The following CCDC171 variants were observed in gnomAD, a reference collection of about 807,000 sequenced individuals.
The protein encoded by CCDC171 is coiled-coil domain containing 171, also known as coiled-coil domain-containing protein 171.
In CCDC171, 177 loss-of-function variants were observed where a neutral mutation model predicts 168.2. The observed-to-expected ratio is 1.05, with a 90% CI of 0.93 to 1.19. The LOEUF is 1.19. CCDC171 is among the 50% of genes most tolerant of loss of function. CCDC171 has a pLI of 0.00. For missense variants in CCDC171, 1,991 were observed against 1,539.0 expected (o/e 1.29, Z -4.91); for synonymous variants, 687 against 540.8 (o/e 1.27, Z -3.75).
At chr9:15,570,568 G>T (rs2040145073) in intron 2 of CCDC171, among the ~76,000 whole-genome samples, 9 of 152,152 alleles carry the variant, frequency 5.9e-5, no homozygotes. Context: ...ATGACTGGAA[G>T]CTCAGTGTGT....
chr9:16,058,049 A>G (rs1002568535), intron 1 of CCDC171, among the ~76,000 whole-genome samples: 21 of 149,142 alleles, frequency 1.4e-4, no homozygotes, highest in Non-Finnish European at 2.7e-4. Flanking sequence ...TTTGAAAAAA[A>G]AAAAATAATA....
intron 4 of CCDC171, among the ~76,000 whole-genome samples, chr9:15,586,144 A>T (rs895513545): frequency 6.6e-6 from 1 of 152,236 alleles, no homozygotes; most frequent in African/African-American, 2.4e-5. Flanking sequence ...TTGCTTTGAA[A>T]TGCATAAAAT....
chr9:15,649,383 C>A (rs1033393579), intron 7 of CCDC171, among the ~76,000 whole-genome samples: 1 of 152,050 alleles, frequency 6.6e-6, no homozygotes, highest in African/African-American at 2.4e-5. Flanking sequence ...GCAACAAAAG[C>A]CAAAATTGAC....
intron 3 of CCDC171, among the ~76,000 whole-genome samples, chr9:16,011,723 T>C (rs1025289944): frequency 6.6e-6 from 1 of 152,180 alleles, no homozygotes; most frequent in Non-Finnish European, 1.5e-5. Flanking sequence ...TAGGGCAGGA[T>C]AAAAATGCAA....
intron 3 of CCDC171, among the ~76,000 whole-genome samples, chr9:15,991,338 A>C (rs1260926311): frequency 6.6e-6 from 1 of 151,946 alleles, no homozygotes; most frequent in East Asian, 1.9e-4. Flanking sequence ...TACTGGGTAC[A>C]TAATGAAATG....
chr9:16,103,154 A>C, the CCDC171 span, among the ~76,000 whole-genome samples: 2 of 152,180 alleles, frequency 1.3e-5, no homozygotes, highest in South Asian at 4.1e-4. Flanking sequence ...CTTCCATCCA[A>C]AGAGCTGTGC....
intron 3 of CCDC171, among the ~76,000 whole-genome samples, chr9:15,995,684 G>A (rs1425148017): frequency 6.6e-6 from 1 of 152,198 alleles, no homozygotes; most frequent in East Asian, 1.9e-4. Context: ...ACTCATCAAT[G>A]AATTTATTTG....
Position 15,882,489 on chromosome 9 carries a change from A to G in CCDC171, c.3600+7826A>G, listed in dbSNP as rs542288513. 2.0e-5 allele frequency among the ~76,000 whole-genome samples: 3 copies of G among 152,226 alleles called. No individual in the cohort carries two copies. In the East Asian group the frequency reaches 5.8e-4, roughly 29 times the overall value. ...TTTTGGCTTGGTTGTCTGTGTTTTT[A>G]AAGTCTTAAAAAGAAAATCTTTGCC... On this transcript the variant is annotated intron_variant, in intron 24 of 25. Transcript: ENST00000380701.
chr9:16,051,782 T>C (rs1420331144), intron 1 of CCDC171, among the ~76,000 whole-genome samples: 1 of 152,226 alleles, frequency 6.6e-6, no homozygotes, highest in Non-Finnish European at 1.5e-5. Context: ...GAGCCCCCTG[T>C]ATTAGTCTGT....
chr9:15,607,250 A>C (rs2043297386), intron 6 of CCDC171, among the ~76,000 whole-genome samples: 1 of 152,190 alleles, frequency 6.6e-6, no homozygotes, highest in African/African-American at 2.4e-5. Context: ...AACTGGAAAC[A>C]AACAGTAAAT....
At chr9:15,715,507 A>C (rs556431596) in intron 11 of CCDC171, among the ~76,000 whole-genome samples, 1 of 152,334 alleles carries the variant, frequency 6.6e-6, no homozygotes, top group African/African-American at 2.4e-5. Context: ...GGTGAAAACA[A>C]AACTCATTTG....
At chr9:15,771,544 C>G (rs2057012174) in intron 18 of CCDC171, among the ~76,000 whole-genome samples, 1 of 149,438 alleles carries the variant, frequency 6.7e-6, no homozygotes. Flanking sequence ...ATTATAAAAG[C>G]TCCTTGTGTA....
chr9:15,946,342 G>A (rs1040443731), intron 25 of CCDC171, among the ~76,000 whole-genome samples: 1 of 152,064 alleles, frequency 6.6e-6, no homozygotes, highest in South Asian at 2.1e-4. Flanking sequence ...CAAAATCAAT[G>A]TGCAAAAATC....
intron 24 of CCDC171, among the ~76,000 whole-genome samples, chr9:15,885,000 A>G (rs1437670904): frequency 6.6e-6 from 1 of 152,192 alleles, no homozygotes; most frequent in Non-Finnish European, 1.5e-5. Context: ...CCAGTTAAGT[A>G]TACAGCCATT....
At chr9:15,935,819 A>G (rs1233474785) in intron 25 of CCDC171, among the ~76,000 whole-genome samples, 1 of 152,116 alleles carries the variant, frequency 6.6e-6, no homozygotes, top group African/African-American at 2.4e-5. Context: ...ATTTGATTAA[A>G]ATGTTGCCTA....
At chr9:15,692,136 G>C (rs1461720083) in intron 10 of CCDC171, among the ~76,000 whole-genome samples, 1 of 152,168 alleles carries the variant, frequency 6.6e-6, no homozygotes, top group Non-Finnish European at 1.5e-5. Flanking sequence ...AACGCTTTGG[G>C]AGACCAAGGT....
At chr9:15,830,958 C>T (rs1356990905) in intron 21 of CCDC171, among the ~76,000 whole-genome samples, 1 of 146,058 alleles carries the variant, frequency 6.8e-6, no homozygotes, top group African/African-American at 2.5e-5. Context: ...TTTCTTATGG[C>T]CATATCTTAA....
At chr9:15,675,199 T>G (rs1225685644) in intron 9 of CCDC171, among the ~76,000 whole-genome samples, 1 of 145,338 alleles carries the variant, frequency 6.9e-6, no homozygotes, top group African/African-American at 2.5e-5. Context: ...TTTTTTTTTT[T>G]TTTTTTTTTG....
intron 4 of CCDC171, among the ~76,000 whole-genome samples, chr9:15,590,464 TG>T (rs1004284913): frequency 6.6e-6 from 1 of 152,230 alleles, no homozygotes; most frequent in Admixed American, 6.5e-5. Context: ...GAGCCAGACC[TG>T]GAAGCATTTC....
Sources: gnomAD v4.1 joint callset for allele counts (sites outside exome capture counted in the v4.1 genomes callset) on GRCh38, gnomAD v4.1.1 for gene constraint, MANE v1.5 for transcripts, NCBI Gene and HGNC (gene_info 2026-07-23, HGNC 2026-07-21) for gene names.